Variants in KLF8 observed in about 807,000 individuals in gnomAD.
The protein encoded by KLF8 is KLF transcription factor 8.
A neutral mutation model predicts 18.2 loss-of-function variants in KLF8; 10 were observed. The observed-to-expected ratio is 0.55, with a 90% CI of 0.34 to 0.93. The LOEUF (loss-of-function observed/expected upper bound fraction) is 0.93. Ranked by LOEUF, KLF8 falls within the 40% of genes least tolerant of loss-of-function variation. The probability of loss-of-function intolerance (pLI) is 0.02; values close to 1 mark genes in which losing one functional copy is unlikely to be tolerated. For synonymous variants in KLF8, 109 were observed against 97.3 expected (o/e 1.12, Z -0.71); for missense variants, 264 against 277.9 (o/e 0.95, Z 0.36).
At chrX:56,172,695 T>G in the KLF8 span, among the ~76,000 whole-genome samples, 21 of 112,079 alleles carry the variant, frequency 1.9e-4, no homozygotes, top group Admixed American at 1.9e-3. Flanking sequence ...ACTTCCACAA[T>G]GGTAGAACTA....
chrX:55,952,316 A>G, the KLF8 span, among the ~76,000 whole-genome samples: 1 of 112,438 alleles, frequency 8.9e-6, no homozygotes, highest in Non-Finnish European at 1.9e-5. Context: ...AAAGGACTAT[A>G]TTAATTTCCT....
the KLF8 span, among the ~76,000 whole-genome samples, chrX:56,048,001 A>G: frequency 2.7e-5 from 3 of 111,711 alleles, no homozygotes; most frequent in African/African-American, 9.8e-5. Context: ...TTTGATTTGC[A>G]TTTCTCTGAT....
the KLF8 span, among the ~76,000 whole-genome samples, chrX:56,175,087 T>C: frequency 3.6e-5 from 4 of 111,679 alleles, no homozygotes; most frequent in African/African-American, 1.3e-4. Context: ...TTTTTTTGTC[T>C]CTATTTCCTT....
the KLF8 span, among the ~76,000 whole-genome samples, chrX:56,155,207 A>G: frequency 1.3e-4 from 15 of 111,930 alleles, no homozygotes; most frequent in African/African-American, 4.2e-4. Flanking sequence ...AATCAACCCA[A>G]ATGTCCAACA....
the KLF8 span, among the ~76,000 whole-genome samples, chrX:56,066,477 G>A: frequency 1.7e-3 from 190 of 112,219 alleles, 1 homozygote; most frequent in Non-Finnish European, 2.8e-3. Flanking sequence ...CTGATGCTCA[G>A]GAGGGTGAGG....
At chrX:56,262,345 G>C (rs754821544) in intron 2 of KLF8, among the ~76,000 whole-genome samples, 2 of 111,707 alleles carry the variant, frequency 1.8e-5, no homozygotes, top group Non-Finnish European at 3.8e-5. Context: ...ATGTTCCTAC[G>C]TAATGTTTTT....
At chrX:56,170,461 A>G in the KLF8 span, among the ~76,000 whole-genome samples, 29 of 110,477 alleles carry the variant, frequency 2.6e-4, no homozygotes, top group African/African-American at 9.2e-4. Flanking sequence ...ACAATTCAGA[A>G]TTCTGTCAGA....
the KLF8 span, among the ~76,000 whole-genome samples, chrX:55,945,635 C>T: frequency 9.0e-6 from 1 of 110,958 alleles, no homozygotes; most frequent in Non-Finnish European, 1.9e-5. Context: ...GAAGTTCTGG[C>T]CAGGACAATT....
At chrX:56,074,237 G>C in the KLF8 span, among the ~76,000 whole-genome samples, 2 of 111,626 alleles carry the variant, frequency 1.8e-5, no homozygotes, top group African/African-American at 6.5e-5. Flanking sequence ...TTTGTAGATT[G>C]TCTTCTCCTT....
chrX:56,167,322 G>A, the KLF8 span, among the ~76,000 whole-genome samples: 3 of 111,100 alleles, frequency 2.7e-5, no homozygotes, highest in African/African-American at 9.8e-5. Context: ...GTAGAGATGG[G>A]ATTTCACCAT....
the KLF8 span, among the ~76,000 whole-genome samples, chrX:56,144,617 G>T: frequency 3.8e-5 from 4 of 106,344 alleles, no homozygotes; most frequent in African/African-American, 1.4e-4. Flanking sequence ...GCCAGCCATG[G>T]TGGCGGGAGC....
the KLF8 span, among the ~76,000 whole-genome samples, chrX:56,227,180 T>C: frequency 8.9e-6 from 1 of 111,811 alleles, no homozygotes; most frequent in East Asian, 2.8e-4. Context: ...TGAGAGCTGC[T>C]TGTGGTAAGT....
chrX:56,230,141 C>T (rs758679899), upstream of KLF8, among the ~76,000 whole-genome samples: 4 of 112,312 alleles, frequency 3.6e-5, no homozygotes, highest in Admixed American at 3.8e-4. Flanking sequence ...AAAAGTAACT[C>T]GATGACCTTA....
the KLF8 span, among the ~76,000 whole-genome samples, chrX:55,935,241 A>AAGT: frequency 8.9e-6 from 1 of 111,956 alleles, no homozygotes; most frequent in Non-Finnish European, 1.9e-5. Context: ...ATTACTAGTA[A>AAGT]AGTAGAAGAC....
the KLF8 span, among the ~76,000 whole-genome samples, chrX:55,994,363 C>CA: frequency 1.9e-4 from 21 of 108,870 alleles, no homozygotes; most frequent in Admixed American, 6.8e-4. Flanking sequence ...CTTATTATTT[C>CA]AAAAAAACAA....
At chrX:55,948,947 G>A in the KLF8 span, among the ~76,000 whole-genome samples, 1 of 112,000 alleles carries the variant, frequency 8.9e-6, no homozygotes, top group Non-Finnish European at 1.9e-5. Context: ...ATTCAGTTGT[G>A]GCAATGGCAT....
chrX:55,936,380 A>T, the KLF8 span, among the ~76,000 whole-genome samples: 1 of 112,602 alleles, frequency 8.9e-6, no homozygotes, highest in African/African-American at 3.2e-5. Flanking sequence ...AAAGACTTGT[A>T]AGAATCTAGT....
the KLF8 span, among the ~76,000 whole-genome samples, chrX:56,134,622 C>A: frequency 9.0e-6 from 1 of 110,739 alleles, no homozygotes; most frequent in South Asian, 3.8e-4. Flanking sequence ...GACCAAGAAC[C>A]CAAAAGCAAA....
At chrX:56,154,765 A>G in the KLF8 span, among the ~76,000 whole-genome samples, 1 of 111,914 alleles carries the variant, frequency 8.9e-6, no homozygotes, top group East Asian at 2.8e-4. Context: ...CAAGACAAAA[A>G]CAAACAACCC....
Sources: allele counts gnomAD v4.1 joint callset (sites outside exome capture counted in the v4.1 genomes callset), GRCh38; gene constraint gnomAD v4.1.1; transcripts MANE v1.5; gene names NCBI Gene and HGNC (gene_info 2026-07-23, HGNC 2026-07-21).